Variants in IL1RAPL1 observed in about 807,000 individuals in gnomAD.
IL1RAPL1 encodes interleukin 1 receptor accessory protein like 1, also known as interleukin-1 receptor accessory protein-like 1.
A neutral mutation model predicts 48.4 loss-of-function variants in IL1RAPL1; 3 were observed. That is an observed-to-expected ratio of 0.06 (90% CI 0.03 to 0.16). IL1RAPL1 has a LOEUF of 0.16. Ranked by LOEUF, IL1RAPL1 falls within the 10% of genes least tolerant of loss-of-function variation. The pLI is 1.00. For missense variants in IL1RAPL1, 349 were observed against 530.6 expected, an observed-to-expected ratio of 0.66 and a Z score of 3.36; for synonymous variants, 185 against 187.7, an observed-to-expected ratio of 0.99 and a Z score of 0.12.
intron 2 of IL1RAPL1, among the ~76,000 whole-genome samples, chrX:29,127,512 C>G (rs1277647697): frequency 1.8e-5 from 2 of 112,011 alleles, no homozygotes; most frequent in African/African-American, 6.5e-5. Context: ...CTGCTCTTTG[C>G]GTCTTTGCAC....
intron 5 of IL1RAPL1, among the ~76,000 whole-genome samples, chrX:29,537,945 A>C (rs1351965388): frequency 9.0e-6 from 1 of 111,725 alleles, no homozygotes; most frequent in South Asian, 3.7e-4. Context: ...ACTGACCATT[A>C]AGAAACTAGT....
intron 2 of IL1RAPL1, among the ~76,000 whole-genome samples, chrX:29,201,330 A>T (rs766589042): frequency 9.0e-6 from 1 of 111,388 alleles, no homozygotes; most frequent in African/African-American, 3.3e-5. Flanking sequence ...TATTTTTTAA[A>T]TTTCTAAAAT....
chrX:29,203,234 A>G (rs1602109765), intron 2 of IL1RAPL1, among the ~76,000 whole-genome samples: 1 of 111,323 alleles, frequency 9.0e-6, no homozygotes, highest in East Asian at 2.9e-4. Flanking sequence ...ACCATCTCAC[A>G]GAGACTGGAA....
chrX:29,404,235 C>T (rs773630077), intron 5 of IL1RAPL1, among the ~76,000 whole-genome samples: 3 of 111,925 alleles, frequency 2.7e-5, no homozygotes, highest in Non-Finnish European at 5.6e-5. Context: ...TTCTGCCTTC[C>T]GAATCCCTGG....
intron 2 of IL1RAPL1, among the ~76,000 whole-genome samples, chrX:28,921,517 TCTTCCC>T (rs1923616575): frequency 9.0e-6 from 1 of 111,460 alleles, no homozygotes; most frequent in Non-Finnish European, 1.9e-5. Context: ...CTACCCTCCC[TCTTCCC>T]CTTCCTCCCC....
Position 28,887,840 on chromosome X carries a change from T to A in IL1RAPL1, c.82+98415T>A, listed in dbSNP as rs1922677354. 4.5e-5 allele frequency among the ~76,000 whole-genome samples: 5 copies of A among 111,128 alleles called. No individual in the cohort carries two copies. In the South Asian group the frequency reaches 1.9e-3, roughly 42 times the overall value. ...AAATGGTGGCCTACTCAGAAAAGAA[T>A]GTGGTTAAAAAAAACCCCTAAGTTG... On this transcript the variant is annotated intron_variant, in intron 2 of 10. Coordinates refer to ENST00000378993, the MANE Select transcript of IL1RAPL1 (RefSeq NM_014271.4).
chrX:29,920,070 G>A lies in IL1RAPL1; in HGVS notation c.1033G>A (p.Ala345Thr), dbSNP rs749380359. The change falls in exon 8 of 11, where the codon GCC becomes ACC. Residue 345 changes from alanine (A) to threonine (T), a missense_variant. Ala to Thr is a moderately conservative substitution (Grantham distance 58). Around this residue, in one of 3 missense-constraint regions of IL1RAPL1, gnomAD observed 238 missense variants for 337.8 expected, o/e 0.70. Coordinates refer to ENST00000378993, the MANE Select transcript of IL1RAPL1 (RefSeq NM_014271.4). ...TGAAAATGGAAATGGACGTCGACAC[G>A]CCAGCGTTCTCCTTCATAAACGAGG... Reference protein sequence around the residue: ...YVENGNGRRHASVLLHKRELM... With the variant: ...YVENGNGRRHTSVLLHKRELM... 34 of 1,209,762 alleles carry A rather than the reference G, an allele frequency of 2.8e-5. No homozygotes were observed. The highest frequency in any genetic ancestry group is 5.9e-5 in the East Asian group (2 of 33,776).
chrX:29,692,334 G>T (rs1423189334), intron 6 of IL1RAPL1, among the ~76,000 whole-genome samples: 4 of 111,648 alleles, frequency 3.6e-5, no homozygotes, highest in Non-Finnish European at 7.5e-5. Context: ...ACACAAATAT[G>T]CATTTCCTGC....
At chrX:28,796,671 A>G (rs1016867362) in intron 2 of IL1RAPL1, among the ~76,000 whole-genome samples, 42 of 111,363 alleles carry the variant, frequency 3.8e-4, no homozygotes, top group African/African-American at 1.3e-3. Context: ...TTTGCAGGGT[A>G]CAGCCTCCCT....
intron 5 of IL1RAPL1, among the ~76,000 whole-genome samples, chrX:29,515,229 CAT>C (rs1364992987): frequency 8.9e-6 from 1 of 112,632 alleles, no homozygotes; most frequent in Admixed American, 9.4e-5. Flanking sequence ...ACAGAGATCT[CAT>C]ATATCCTTTA....
At chrX:29,084,783 C>T (rs1003309285) in intron 2 of IL1RAPL1, among the ~76,000 whole-genome samples, 8 of 112,572 alleles carry the variant, frequency 7.1e-5, no homozygotes, top group South Asian at 3.6e-4. Context: ...CCTCTGCCTC[C>T]CCGCTTCAAG....
chrX:29,805,265 CAT>C (rs1448024706), intron 6 of IL1RAPL1, among the ~76,000 whole-genome samples: 2 of 111,760 alleles, frequency 1.8e-5, no homozygotes, highest in Non-Finnish European at 3.8e-5. Flanking sequence ...ATTTCTGTAA[CAT>C]ATCACTCATC....
At chrX:29,063,779 A>G (rs749082174) in intron 2 of IL1RAPL1, among the ~76,000 whole-genome samples, 3 of 111,671 alleles carry the variant, frequency 2.7e-5, no homozygotes, top group Non-Finnish European at 5.6e-5. Flanking sequence ...AATTCTCTCT[A>G]AATTTTGGTG....
intron 2 of IL1RAPL1, among the ~76,000 whole-genome samples, chrX:29,103,819 C>T (rs1928393452): frequency 1.8e-5 from 2 of 112,069 alleles, no homozygotes; most frequent in Admixed American, 9.5e-5. Context: ...AAGATCTGAA[C>T]AGACACTTCT....
intron 5 of IL1RAPL1, among the ~76,000 whole-genome samples, chrX:29,608,985 C>T (rs868763775): frequency 8.9e-5 from 10 of 111,741 alleles, no homozygotes; most frequent in Non-Finnish European, 1.5e-4. Flanking sequence ...ATGACATACA[C>T]GCTATAATTA....
At chrX:29,294,790 A>T (rs2147607230) in intron 3 of IL1RAPL1, among the ~76,000 whole-genome samples, 1 of 111,586 alleles carries the variant, frequency 9.0e-6, no homozygotes, top group South Asian at 3.8e-4. Flanking sequence ...TGTTGTTATT[A>T]ACAAAGAAAA....
Position 28,942,689 on chromosome X carries a change from C to A in IL1RAPL1, c.82+153264C>A, listed in dbSNP as rs1462817777. On this transcript the variant is annotated intron_variant, in intron 2 of 10. Transcript: ENST00000378993. The stretch of plus-strand genomic sequence containing the variant: ...AAAAAAGTTTATAATTAAAGAGAAT[C>A]GTAAGTTTTATAATGACTTAGAGGC... 3 of 104,471 alleles carry A rather than the reference C, an allele frequency of 2.9e-5. No individual in the cohort carries two copies. The Admixed American group carries it at 3.1e-4, about 11-fold the overall frequency. 8.6% of individuals were successfully genotyped at this position (104,471 alleles called of 1,213,427 possible).
chrX:29,931,019 A>G lies in IL1RAPL1; in HGVS notation c.1058-10632A>G, dbSNP rs574997049. Among the ~76,000 whole-genome samples the G allele has an allele frequency of 8.9e-5, 10 of 111,746 alleles. No individual in the cohort carries two copies. In the South Asian group the frequency reaches 3.7e-3, roughly 42 times the overall value. On this transcript the variant is annotated intron_variant, in intron 8 of 10. Coordinates refer to ENST00000378993, the MANE Select transcript of IL1RAPL1 (RefSeq NM_014271.4). The stretch of plus-strand genomic sequence containing the variant: ...CATGTATACCAGTACAGAGGCCACT[A>G]AACTATGTGAGCCACAGACTTCTTC...
chrX:29,607,818 A>ATGTATGCTCT lies in IL1RAPL1; in HGVS notation c.704-60609_704-60600dup, dbSNP rs764995738. Reference sequence around the variant, plus strand: ...TTATATTCTTATCAAAGATAATCTCATGTATGCTCTTGACTTCAACCAGCA... The same window carrying ATGTATGCTCT: ...TTATATTCTTATCAAAGATAATCTCATGTATGCTCTTGTATGCTCTTGACTTCAACCAGCA... On this transcript the variant is annotated intron_variant, in intron 5 of 10. Transcript: ENST00000378993. Among the ~76,000 whole-genome samples, 892 of 111,438 alleles carry ATGTATGCTCT rather than the reference A, an allele frequency of 8.0e-3. 12 individuals carry two copies. Among genetic ancestry groups the ATGTATGCTCT allele is most frequent in the African/African-American group, 0.028 (843 of 30,579 alleles).
Sources: allele counts gnomAD v4.1 joint callset (sites outside exome capture counted in the v4.1 genomes callset), GRCh38; gene constraint gnomAD v4.1.1; regional missense constraint gnomAD v4.1.1; transcripts MANE v1.5; gene names NCBI Gene and HGNC (gene_info 2026-07-23, HGNC 2026-07-21).